The following PDE4D variants were observed in gnomAD, a reference collection of about 807,000 sequenced individuals.
The protein encoded by PDE4D is phosphodiesterase 4D.
A neutral mutation model predicts 87.4 loss-of-function variants in PDE4D; 24 were observed. The ratio of observed to expected loss-of-function variants is 0.27; its 90% CI spans 0.20 to 0.39. The LOEUF (loss-of-function observed/expected upper bound fraction) is 0.39. PDE4D is among the 10% of genes least tolerant of loss of function. PDE4D has a pLI of 1.00. For synonymous variants in PDE4D, 384 were observed against 383.2 expected (o/e 1.00, Z -0.02); for missense variants, 714 against 1,041.0 (o/e 0.69, Z 4.32).
intron 1 of PDE4D, among the ~76,000 whole-genome samples, chr5:59,235,140 C>A (rs937292395): frequency 1.3e-5 from 2 of 151,766 alleles, no homozygotes; most frequent in African/African-American, 4.9e-5. Flanking sequence ...GTTTCCATAC[C>A]ACATATGCCA....
intron 1 of PDE4D, among the ~76,000 whole-genome samples, chr5:59,825,626 T>C (rs1024261344): frequency 6.6e-6 from 1 of 152,254 alleles, no homozygotes; most frequent in African/African-American, 2.4e-5. Context: ...CTGATGACAT[T>C]AAGATGCTTC....
intron 5 of PDE4D, among the ~76,000 whole-genome samples, chr5:59,161,160 CA>C (rs1781042020): frequency 6.7e-6 from 1 of 148,332 alleles, no homozygotes; most frequent in Admixed American, 6.8e-5. Flanking sequence ...ATATCTGAGA[CA>C]GGTCTCAATC....
intron 1 of PDE4D, among the ~76,000 whole-genome samples, chr5:59,762,213 TGTATATGG>T (rs1762068090): frequency 7.4e-6 from 1 of 134,504 alleles, no homozygotes; most frequent in Non-Finnish European, 1.7e-5. Flanking sequence ...TGCGTATATG[TGTATATGG>T]GTACACATAT....
chr5:58,985,650 T>C (rs940852682), intron 11 of PDE4D, among the ~76,000 whole-genome samples: 1 of 152,142 alleles, frequency 6.6e-6, no homozygotes, highest in Non-Finnish European at 1.5e-5. Context: ...ATGAGAAATA[T>C]GGATTCAGCT....
intron 1 of PDE4D, among the ~76,000 whole-genome samples, chr5:59,495,215 C>CA (rs1192411145): frequency 6.6e-6 from 1 of 152,202 alleles, no homozygotes; most frequent in Admixed American, 6.5e-5. Context: ...CACACTCTTC[C>CA]AAAATGTTTA....
chr5:59,085,310 A>G (rs1362634232), intron 5 of PDE4D, among the ~76,000 whole-genome samples: 1 of 152,182 alleles, frequency 6.6e-6, no homozygotes, highest in Non-Finnish European at 1.5e-5. Context: ...ATAAAATATT[A>G]CCTTCAGTAT....
Position 59,576,809 on chromosome 5 carries a change from C to T in PDE4D, c.455+316359G>A, listed in dbSNP as rs1024476711. On this transcript the variant is annotated intron_variant, in intron 1 of 14. Coordinates refer to ENST00000340635, the MANE Select transcript of PDE4D (RefSeq NM_001104631.2). Reference sequence around the variant, plus strand: ...CCTCTCTCAAAAATCAAATCTGGCACAGATTATTTTCTAAAAAATAGGACT... The same window carrying T: ...CCTCTCTCAAAAATCAAATCTGGCATAGATTATTTTCTAAAAAATAGGACT... Among the ~76,000 whole-genome samples, 12 of 152,078 alleles carry T rather than the reference C, an allele frequency of 7.9e-5. 1 individual carries two copies. The South Asian group carries it at 1.0e-3, about 13-fold the overall frequency.
chr5:60,174,687 G>T lies in PDE4D; in HGVS notation c.42+10870C>A, dbSNP rs537978210. ...TATTATTATTGGGCATAGAATTCTGGGTTACTGGGTTTTGTTTTTCTTTCA... is the reference window on the plus strand; with the variant it reads ...TATTATTATTGGGCATAGAATTCTGTGTTACTGGGTTTTGTTTTTCTTTCA... On this transcript the variant is annotated intron_variant, in intron 2 of 16. Coordinates refer to the PDE4D transcript ENST00000502484. Among the ~76,000 whole-genome samples the T allele has an allele frequency of 2.0e-5, 3 of 152,108 alleles. No homozygotes were observed. In the East Asian group the frequency reaches 5.8e-4, roughly 29 times the overall value.
At chr5:60,231,650 G>GA (rs1228888972) in intron 1 of PDE4D, among the ~76,000 whole-genome samples, 2 of 151,782 alleles carry the variant, frequency 1.3e-5, no homozygotes, top group African/African-American at 2.4e-5. Flanking sequence ...AAAATTCTAT[G>GA]AAAAAAATAC....
intron 2 of PDE4D, among the ~76,000 whole-genome samples, chr5:60,046,599 G>A (rs1769290584): frequency 6.6e-6 from 1 of 152,092 alleles, no homozygotes; most frequent in Admixed American, 6.6e-5. Context: ...TTTGTCAAAG[G>A]CCTTTTCTGC....
At chr5:60,453,763 C>T (rs1200553492) in intron 1 of PDE4D, among the ~76,000 whole-genome samples, 1 of 152,092 alleles carries the variant, frequency 6.6e-6, no homozygotes, top group African/African-American at 2.4e-5. Flanking sequence ...GTACACTCCT[C>T]TCTGCAGTAA....
chr5:59,193,102 C>A (rs1744699458), intron 3 of PDE4D, among the ~76,000 whole-genome samples: 1 of 152,040 alleles, frequency 6.6e-6, no homozygotes, highest in Non-Finnish European at 1.5e-5. Context: ...GCACAAATGG[C>A]ATATGTAAAA....
chr5:59,622,643 A>G (rs1365065920), intron 1 of PDE4D, among the ~76,000 whole-genome samples: 2 of 152,150 alleles, frequency 1.3e-5, no homozygotes, highest in African/African-American at 4.8e-5. Context: ...TCCATGCCCA[A>G]TCTTAAGGAA....
rs546114125 is a variant in PDE4D, at chr5:59,508,866, T to C, written c.456-292898A>G. ...TTGAATTAGTGAGCCAGAAAACATA[T>C]ATGAATGAAACATTCAGAATGCAGT... On this transcript the variant is annotated intron_variant, in intron 1 of 14. Transcript: ENST00000340635. Among the ~76,000 whole-genome samples the C allele has an allele frequency of 2.0e-5, 3 of 151,992 alleles. No individual in the cohort carries two copies. In the East Asian group the frequency reaches 5.8e-4, roughly 29 times the overall value.
intron 6 of PDE4D, among the ~76,000 whole-genome samples, chr5:59,030,421 A>AC (rs1364621638): frequency 3.0e-5 from 4 of 135,358 alleles, no homozygotes; most frequent in Admixed American, 1.4e-4. Context: ...CAACAGAGAT[A>AC]CAAAAAAAAA....
intron 3 of PDE4D, among the ~76,000 whole-genome samples, chr5:59,984,890 C>A (rs1267775491): frequency 6.6e-6 from 1 of 151,994 alleles, no homozygotes; most frequent in Non-Finnish European, 1.5e-5. Flanking sequence ...ATCTGGAGGG[C>A]ATGAAAAGTC....
chr5:60,057,532 A>G (rs567355590), intron 2 of PDE4D, among the ~76,000 whole-genome samples: 1 of 152,088 alleles, frequency 6.6e-6, no homozygotes, highest in East Asian at 1.9e-4. Context: ...GCCCTGTAGA[A>G]CTGTGTCTGT....
At chr5:59,263,495 A>G (rs756171174) in intron 1 of PDE4D, among the ~76,000 whole-genome samples, 2 of 151,994 alleles carry the variant, frequency 1.3e-5, no homozygotes, top group Non-Finnish European at 2.9e-5. Context: ...ATTAAATCAT[A>G]CTAAAATAAT....
chr5:60,386,177 A>G lies in PDE4D; in HGVS notation c.-90+101765T>C, dbSNP rs144266240. Reference sequence around the variant, plus strand: ...GACCAAGGAAACTTTGGAAAAAAATATATAGTAATTTTCCCTTTAGTACGT... The same window carrying G: ...GACCAAGGAAACTTTGGAAAAAAATGTATAGTAATTTTCCCTTTAGTACGT... On this transcript the variant is annotated intron_variant, in intron 1 of 16. Transcript: ENST00000502484. 1.2e-3 allele frequency among the ~76,000 whole-genome samples: 178 copies of G among 152,328 alleles called. 2 individuals carry two copies. The Middle Eastern group carries it at 0.024, about 21-fold the overall frequency.
Sources: allele counts gnomAD v4.1 joint callset (sites outside exome capture counted in the v4.1 genomes callset), GRCh38; gene constraint gnomAD v4.1.1; transcripts MANE v1.5; gene names NCBI Gene and HGNC (gene_info 2026-07-23, HGNC 2026-07-21).